Variants in C3orf49 observed in about 807,000 individuals in gnomAD.
The protein encoded by C3orf49 is chromosome 3 open reading frame 49, also known as putative uncharacterized protein C3orf49.
In C3orf49, 27 loss-of-function variants were observed where a neutral mutation model predicts 13.3. The ratio of observed to expected loss-of-function variants is 2.02; its 90% confidence interval spans 1.49 to 2.79. The LOEUF is 2.79. Among genes scored for constraint, C3orf49 ranks in the 30% most tolerant of loss-of-function variants. C3orf49 has a pLI of 0.00. For missense variants in C3orf49, 242 were observed against 134.2 expected, an observed-to-expected ratio of 1.80 and a Z score of -3.97; for synonymous variants, 87 against 47.6, an observed-to-expected ratio of 1.83 and a Z score of -3.40.
intron 3 of C3orf49, among the ~76,000 whole-genome samples, chr3:63,830,437 C>T (rs561770814): frequency 6.6e-6 from 1 of 152,230 alleles, no homozygotes; most frequent in South Asian, 2.1e-4. Context: ...AGATGTGGTC[C>T]CATATCCTAC....
chr3:63,803,799 G>A, the C3orf49 span, among the ~76,000 whole-genome samples: 10 of 152,176 alleles, frequency 6.6e-5, no homozygotes, highest in Middle Eastern at 0.01. Flanking sequence ...GAATGGTTTC[G>A]TGATAATTCA....
At chr3:63,793,180 G>A in the C3orf49 span, among the ~76,000 whole-genome samples, 3 of 152,058 alleles carry the variant, frequency 2.0e-5, no homozygotes, top group South Asian at 4.2e-4. Flanking sequence ...TATATCAACT[G>A]TTTAAATCTC....
intron 3 of C3orf49, among the ~76,000 whole-genome samples, chr3:63,830,321 T>A (rs1701516200): frequency 1.3e-5 from 2 of 152,222 alleles, no homozygotes; most frequent in South Asian, 4.1e-4. Context: ...GGGGTCTTAC[T>A]TTAGATAGAT....
At chr3:63,800,433 C>T in the C3orf49 span, among the ~76,000 whole-genome samples, 18 of 152,160 alleles carry the variant, frequency 1.2e-4, no homozygotes, top group African/African-American at 3.6e-4. Context: ...TGCGCTTGCT[C>T]AGCACAGATG....
intron 3 of C3orf49, among the ~76,000 whole-genome samples, chr3:63,830,892 T>G (rs1292344886): frequency 6.6e-6 from 1 of 152,204 alleles, no homozygotes; most frequent in Non-Finnish European, 1.5e-5. Context: ...ATCTCATTTC[T>G]CTGTACCCTA....
intron 2 of C3orf49, among the ~76,000 whole-genome samples, chr3:63,825,476 T>G (rs1271072461): frequency 2.0e-5 from 3 of 152,206 alleles, no homozygotes; most frequent in African/African-American, 7.2e-5. Context: ...AGGACATGAT[T>G]CTATATTGCT....
chr3:63,847,460 G>A lies in C3orf49; in HGVS notation c.*31-904G>A, dbSNP rs375870363. 1.1e-4 allele frequency among the ~76,000 whole-genome samples: 17 copies of A among 152,254 alleles called. No individual in the cohort carries two copies. The East Asian group carries it at 2.1e-3, about 19-fold the overall frequency. The stretch of plus-strand genomic sequence containing the variant: ...ATATCAGAAGAATGAAAAGAAGGCC[G>A]GGTGCAGTGGCTCACGCCTGTAATC... On this transcript the variant is annotated intron_variant, in intron 6 of 6. Transcript: ENST00000295896.
chr3:63,833,922 T>C (rs1353722918), intron 5 of C3orf49: 5 of 474,722 alleles, frequency 1.1e-5, no homozygotes, highest in African/African-American at 1.0e-4. Context: ...TCCTACCACT[T>C]AAGAATAAAA....
At chr3:63,844,927 C>A in intron 5 of C3orf49, 96 bp from the exon 6 acceptor site, 3 of 571,164 alleles carry the variant, frequency 5.3e-6, no homozygotes, top group South Asian at 2.3e-5. Flanking sequence ...GCTATAATAC[C>A]TGAAAATGTG....
the C3orf49 span, among the ~76,000 whole-genome samples, chr3:63,789,253 G>A: frequency 6.6e-6 from 1 of 152,138 alleles, no homozygotes; most frequent in Non-Finnish European, 1.5e-5. Flanking sequence ...CTGATGATAT[G>A]AGGTGGAACA....
intron 5 of C3orf49, chr3:63,838,229 T>C: frequency 1.1e-6 from 1 of 911,558 alleles, no homozygotes. Context: ...TACACATTTT[T>C]TATAGCTAAC....
At chr3:63,788,459 C>T in the C3orf49 span, among the ~76,000 whole-genome samples, 1 of 151,904 alleles carries the variant, frequency 6.6e-6, no homozygotes, top group Non-Finnish European at 1.5e-5. Flanking sequence ...TGGGTGAAAA[C>T]GTTGTTACGG....
chr3:63,829,021 C>G (rs1382911676), intron 3 of C3orf49, among the ~76,000 whole-genome samples: 1 of 152,208 alleles, frequency 6.6e-6, no homozygotes, highest in Non-Finnish European at 1.5e-5. Flanking sequence ...AAATGGCCAA[C>G]AATCGCACCT....
At chr3:63,791,688 A>T in the C3orf49 span, among the ~76,000 whole-genome samples, 1 of 152,180 alleles carries the variant, frequency 6.6e-6, no homozygotes, top group Non-Finnish European at 1.5e-5. Context: ...AAGACAAAGA[A>T]CCACAGTAAT....
chr3:63,816,433 A>C (rs1211140976), upstream of C3orf49, among the ~76,000 whole-genome samples: 2 of 152,066 alleles, frequency 1.3e-5, no homozygotes, highest in South Asian at 4.1e-4. Context: ...TCTACTAAAA[A>C]TACAAAAAAT....
the C3orf49 span, among the ~76,000 whole-genome samples, chr3:63,807,197 T>C: frequency 6.6e-6 from 1 of 152,136 alleles, no homozygotes; most frequent in African/African-American, 2.4e-5. Flanking sequence ...GTGATCCACC[T>C]GCCTCGGCCT....
chr3:63,836,207 CAT>C (rs1701630723), intron 5 of C3orf49: 5 of 1,178,984 alleles, frequency 4.2e-6, no homozygotes, highest in Admixed American at 2.3e-5. Flanking sequence ...CCTTTTGAAA[CAT>C]ATTTATTTCT....
the C3orf49 span, among the ~76,000 whole-genome samples, chr3:63,807,870 A>G: frequency 6.6e-6 from 1 of 150,376 alleles, no homozygotes; most frequent in Admixed American, 6.6e-5. Context: ...AAAAAAAAAA[A>G]AAAAAAAAGA....
the C3orf49 span, among the ~76,000 whole-genome samples, chr3:63,796,529 G>C: frequency 2.0e-5 from 3 of 152,030 alleles, no homozygotes; most frequent in African/African-American, 7.2e-5. Flanking sequence ...CCAAATAAAT[G>C]CTAGCCTGTT....
Sources: allele counts gnomAD v4.1 joint callset (sites outside exome capture counted in the v4.1 genomes callset), GRCh38; gene constraint gnomAD v4.1.1; transcripts MANE v1.5; gene names NCBI Gene and HGNC (gene_info 2026-07-23, HGNC 2026-07-21).